The following FER1L5 variants were observed in gnomAD, a reference collection of about 807,000 sequenced individuals.
FER1L5 encodes the protein fer-1-like protein 5.
In FER1L5, 187 loss-of-function variants were observed where a neutral mutation model predicts 279.9. The observed-to-expected ratio is 0.67, with a 90% confidence interval of 0.59 to 0.75. The LOEUF (loss-of-function observed/expected upper bound fraction) is 0.75. Ranked by LOEUF, FER1L5 falls within the 30% of genes least tolerant of loss-of-function variation. FER1L5 has a pLI of 0.00. For synonymous variants in FER1L5, 921 were observed against 989.7 expected, an observed-to-expected ratio of 0.93 and a Z score of 1.30; for missense variants, 2,091 against 2,594.4, an observed-to-expected ratio of 0.81 and a Z score of 4.21.
intron 42 of FER1L5, 64 bp downstream of exon 42, chr2:96,699,200 C>T (rs568938026): frequency 3.7e-4 from 552 of 1,504,708 alleles, no homozygotes; most frequent in South Asian, 2.0e-3. Flanking sequence ...GGAAGTCGGC[C>T]GGAGAAGGCA....
Position 96,649,688 on chromosome 2 carries a change from C to T in FER1L5, c.394+11C>T. 1.3e-6 allele frequency: 2 copies of T among 1,551,458 alleles called. No homozygotes were observed. The highest frequency in any genetic ancestry group is 1.7e-6 in the Non-Finnish European group (2 of 1,146,876). The stretch of plus-strand genomic sequence containing the variant: ...ATATTGAGAAGACAGGTATGTCCTT[C>T]CCTGGAGCTTACCCTTAAGGGCCTA... On this transcript the variant is annotated intron_variant, in intron 5 of 52. Coordinates refer to ENST00000624922, the MANE Select transcript of FER1L5 (RefSeq NM_001293083.2).
intron 18 of FER1L5, among the ~76,000 whole-genome samples, chr2:96,672,324 C>T (rs796261868): frequency 3.9e-5 from 6 of 152,282 alleles, no homozygotes; most frequent in African/African-American, 1.4e-4. Context: ...GATCCGCCCG[C>T]CTCAGCCTCC....
chr2:96,642,777 G>C lies in FER1L5; in HGVS notation c.-60G>C, dbSNP rs930503500. The C allele has an allele frequency of 6.6e-7, 1 of 1,512,250 alleles. No individual in the cohort carries two copies. Among genetic ancestry groups the C allele is most frequent in the Admixed American group, 2.0e-5 (1 of 49,048 alleles). The allele number at this position is 1,512,250 out of a possible 1,614,324, so 93.7% of individuals were successfully genotyped here. On this transcript the variant is annotated 5_prime_UTR_variant, in exon 1 of 53. Coordinates refer to ENST00000624922, the MANE Select transcript of FER1L5 (RefSeq NM_001293083.2). ...GCTGGGAAAAGTCTTGGACTGAGGAGCTCCAAAAAGGAAGCTGTGGCGCTG... is the reference window on the plus strand; with the variant it reads ...GCTGGGAAAAGTCTTGGACTGAGGACCTCCAAAAAGGAAGCTGTGGCGCTG...
At chr2:96,693,390 G>A in intron 31 of FER1L5, 116 bp from the exon 32 acceptor site, 1 of 1,079,360 alleles carries the variant, frequency 9.3e-7, no homozygotes, top group Non-Finnish European at 1.3e-6. Flanking sequence ...AGGCCTCAGT[G>A]GCTGCCCTGC....
intron 31 of FER1L5, among the ~76,000 whole-genome samples, 168 bp from the exon 32 acceptor site, chr2:96,693,338 A>C (rs963968386): frequency 6.6e-6 from 1 of 152,126 alleles, no homozygotes; most frequent in African/African-American, 2.4e-5. Context: ...CTCTGGTGAC[A>C]GGCCCCGGTG....
At chr2:96,683,145 T>C (rs1256751048) in intron 19 of FER1L5, among the ~76,000 whole-genome samples, 1 of 152,168 alleles carries the variant, frequency 6.6e-6, no homozygotes, top group African/African-American at 2.4e-5. Context: ...TTGGAGTTCG[T>C]GATCTGCATG....
intron 19 of FER1L5, among the ~76,000 whole-genome samples, chr2:96,679,549 C>G (rs1015719082): frequency 1.6e-4 from 24 of 152,198 alleles, no homozygotes; most frequent in African/African-American, 4.6e-4. Context: ...AGTTTTACCT[C>G]TTACACTTAT....
At chr2:96,670,316 C>G in intron 18 of FER1L5, 69 bp downstream of exon 18, 1 of 1,535,732 alleles carries the variant, frequency 6.5e-7, no homozygotes, top group Non-Finnish European at 8.8e-7. Flanking sequence ...ACTGTGGATC[C>G]CAGTTTCTGA....
rs915336830 is a variant in FER1L5, at chr2:96,691,539, G to A, written c.3002G>A (p.Arg1001His). Residue 1001 changes from arginine (R) to histidine (H), a missense_variant, in exon 29 of 53, where the codon CGC becomes CAC. Transcript: ENST00000624922. The surrounding 1 kb of genome is among the most constrained non-coding windows in gnomAD (Gnocchi z 6.0). ...CAGCCCCAGAGCCGGTTCCGCCGCCGCTGCTGGCGCCGCAGGCTGGCCCCC... is the reference window on the plus strand; with the variant it reads ...CAGCCCCAGAGCCGGTTCCGCCGCCACTGCTGGCGCCGCAGGCTGGCCCCC... ...NPQPQSRFRR[R>H]CWRRRLAPNK... is the part of the protein sequence containing the mutation. 7 of 1,549,990 alleles carry A rather than the reference G, an allele frequency of 4.5e-6. No individual in the cohort carries two copies. The highest frequency in any genetic ancestry group is 5.2e-6 in the Non-Finnish European group (6 of 1,146,448).
chr2:96,699,228 T>C, intron 42 of FER1L5, 92 bp downstream of exon 42: 1 of 1,320,004 alleles, frequency 7.6e-7, no homozygotes, highest in South Asian at 1.3e-5. Flanking sequence ...CTGGCACTCC[T>C]GTCCAGCCTC....
At chr2:96,681,598 T>TA (rs958382272) in intron 19 of FER1L5, among the ~76,000 whole-genome samples, 4 of 152,032 alleles carry the variant, frequency 2.6e-5, no homozygotes, top group Non-Finnish European at 4.4e-5. Context: ...TGATATGATA[T>TA]AAAAAATCAT....
At chr2:96,701,409 T>C (rs768087541) in intron 45 of FER1L5, among the ~76,000 whole-genome samples, 4 of 152,198 alleles carry the variant, frequency 2.6e-5, no homozygotes, top group Non-Finnish European at 5.9e-5. Flanking sequence ...GCAGAACGTA[T>C]TTGTGTATTC....
At chr2:96,659,290 T>TCTCC (rs2075732527) in intron 9 of FER1L5, among the ~76,000 whole-genome samples, 1 of 80,942 alleles carries the variant, frequency 1.2e-5, no homozygotes, top group Non-Finnish European at 2.7e-5. Context: ...TTTATCAAGC[T>TCTCC]TTCCTTCCTT....
Position 96,689,768 on chromosome 2 carries a change from G to A in FER1L5, c.2640+10G>A. 8 of 1,539,248 alleles carry A rather than the reference G, an allele frequency of 5.2e-6. No homozygotes were observed. The highest frequency in any genetic ancestry group is 7.0e-6 in the Non-Finnish European group (8 of 1,141,696). ...CCCAAACACAGACGTGGTGAGCAGG[G>A]CCGAAGCTGCCTCGGGTTAGGGGGC... On this transcript the variant is annotated intron_variant, in intron 26 of 52. Coordinates refer to ENST00000624922, the MANE Select transcript of FER1L5 (RefSeq NM_001293083.2). The surrounding 1 kb of genome is among the most constrained non-coding windows in gnomAD (Gnocchi z 4.6).
chr2:96,702,534 A>G lies in FER1L5; in HGVS notation c.5256-66A>G, dbSNP rs2077624088. The G allele has an allele frequency of 6.4e-7, 1 of 1,550,472 alleles. No homozygotes were observed. Among genetic ancestry groups the G allele is most frequent in the African/African-American group, 1.4e-5 (1 of 73,012 alleles). ...TGGCGTCGGCTGGGCAGCCCTTCCCATGGGGCTCCAGCTGGGGGATGGGGC... is the reference window on the plus strand; with the variant it reads ...TGGCGTCGGCTGGGCAGCCCTTCCCGTGGGGCTCCAGCTGGGGGATGGGGC... On this transcript the variant is annotated intron_variant, in intron 47 of 52. Transcript: ENST00000624922. The surrounding 1 kb of genome is among the most constrained non-coding windows in gnomAD (Gnocchi z 4.0).
intron 36 of FER1L5, 57 bp from the exon 37 acceptor site, chr2:96,695,995 C>G (rs1274134049): frequency 2.5e-6 from 4 of 1,607,738 alleles, no homozygotes; most frequent in Non-Finnish European, 3.4e-6. Context: ...GGGGTTGGTG[C>G]TTCCTCCTCA....
intron 36 of FER1L5, 66 bp downstream of exon 36, chr2:96,695,970 G>A (rs1186559668): frequency 9.3e-6 from 15 of 1,605,240 alleles, no homozygotes; most frequent in Non-Finnish European, 1.3e-5. Flanking sequence ...AGTGGGGCAG[G>A]CCCTGCTACC....
chr2:96,670,942 C>CA (rs2076299274), intron 18 of FER1L5, among the ~76,000 whole-genome samples: 1 of 149,796 alleles, frequency 6.7e-6, no homozygotes, highest in Non-Finnish European at 1.5e-5. Flanking sequence ...TCATCTCTAC[C>CA]AAAAAAATAC....
chr2:96,676,916 G>T (rs1310842843), intron 19 of FER1L5, among the ~76,000 whole-genome samples: 1 of 152,122 alleles, frequency 6.6e-6, no homozygotes, highest in Non-Finnish European at 1.5e-5. Flanking sequence ...GAGTGCGGCG[G>T]TCTGCCTCTT....
Sources: gnomAD v4.1 joint callset for allele counts (sites outside exome capture counted in the v4.1 genomes callset) on GRCh38, gnomAD v4.1.1 for gene constraint, Gnocchi (gnomAD v3.1) non-coding constraint, MANE v1.5 for transcripts, NCBI Gene and HGNC (gene_info 2026-07-23, HGNC 2026-07-21) for gene names.